Variants in CIT observed in about 807,000 individuals in gnomAD.
The protein encoded by CIT is citron Rho-interacting kinase.
CIT carries 79 observed loss-of-function variants against 272.7 expected under a neutral mutation model. The ratio of observed to expected loss-of-function variants is 0.29; its 90% CI spans 0.24 to 0.35. The LOEUF (loss-of-function observed/expected upper bound fraction) is 0.35. Among genes scored for constraint, CIT ranks in the 10% least tolerant of loss-of-function variants. The pLI is 1.00. For missense variants in CIT, 1,909 were observed against 2,618.3 expected (o/e 0.73, Z 5.91); for synonymous variants, 948 against 995.6 (o/e 0.95, Z 0.90).
rs1367614339 is a variant in CIT at position 119,712,251 on chromosome 12, T to C, written c.4781A>G (p.Gln1594Arg). The C allele has an allele frequency of 1.2e-6, 2 of 1,614,120 alleles. No homozygotes were observed. Among genetic ancestry groups the C allele is most frequent in the African/African-American group, 1.3e-5 (1 of 75,060 alleles). ...TGATTCTAAGGCGGTGACCCAGCGC[T>C]GTTTGTCAGGGAAGCTGGGAGCTAG... Reference protein sequence around the residue: ...YLLAPSFPDKQRWVTALESVV... With the variant: ...YLLAPSFPDKRRWVTALESVV... The change falls in exon 37 of 48, where the codon CAG becomes CGG. Residue 1594 changes from glutamine to arginine, a missense_variant. Coordinates refer to ENST00000392521, the MANE Select transcript of CIT (RefSeq NM_001206999.2). This position sits in a 1 kb window ranked among gnomAD's most constrained non-coding sequence, Gnocchi z 5.2.
intron 24 of CIT, among the ~76,000 whole-genome samples, chr12:119,740,458 T>C (rs1959004072): frequency 6.6e-6 from 1 of 152,322 alleles, no homozygotes; most frequent in East Asian, 1.9e-4. Flanking sequence ...ATTATTTTGA[T>C]TGTTTTGCTG....
At chr12:119,698,316 G>C in intron 44 of CIT, 1 of 442,930 alleles carries the variant, frequency 2.3e-6, no homozygotes, top group Non-Finnish European at 4.1e-6. Context: ...CTGGCTGGGC[G>C]TGGTGGCTCA....
In CIT at chr12:119,748,027, G is replaced by T. The variant is rs940483049; in HGVS notation, c.2904+4023C>A. On this transcript the variant is annotated intron_variant, in intron 23 of 47. Coordinates refer to ENST00000392521, the MANE Select transcript of CIT (RefSeq NM_001206999.2). Reference sequence around the variant, plus strand: ...AAAAAATACAAAAGTTAACCAGGTGGGTGGCGAGCACCTATAGTCCCAGCT... The same window carrying T: ...AAAAAATACAAAAGTTAACCAGGTGTGTGGCGAGCACCTATAGTCCCAGCT... Among the ~76,000 whole-genome samples the T allele has an allele frequency of 3.3e-5, 5 of 152,182 alleles. No individual in the cohort carries two copies. The East Asian group carries it at 5.8e-4, about 18-fold the overall frequency.
Position 119,712,112 on chromosome 12 carries a change from T to C in CIT, c.4854+66A>G, listed in dbSNP as rs977601887. 3.4e-6 allele frequency: 5 copies of C among 1,474,218 alleles called. No homozygotes were observed. Among genetic ancestry groups the C allele is most frequent in the Non-Finnish European group, 3.7e-6 (4 of 1,092,424 alleles). The allele number at this position is 1,474,218 out of a possible 1,614,324, so 91.3% of individuals were successfully genotyped here. ...AAAATGGCCAATGGGATTCTCGTCG[T>C]TAACACCAGTTACCAAGTCAGCCCC... On this transcript the variant is annotated intron_variant, in intron 37 of 47. Transcript: ENST00000392521. The surrounding 1 kb of genome is among the most constrained non-coding windows in gnomAD (Gnocchi z 5.2).
intron 17 of CIT, among the ~76,000 whole-genome samples, chr12:119,771,359 G>C (rs751693621): frequency 4.6e-5 from 7 of 152,120 alleles, no homozygotes; most frequent in Non-Finnish European, 8.8e-5. Flanking sequence ...GCTCTGGAGG[G>C]GGGTGGTATA....
intron 23 of CIT, among the ~76,000 whole-genome samples, chr12:119,746,996 TC>T (rs1959514571): frequency 6.6e-6 from 1 of 151,730 alleles, no homozygotes; most frequent in African/African-American, 2.4e-5. Context: ...TTGGATGCTC[TC>T]AATGAAATGT....
intron 5 of CIT, among the ~76,000 whole-genome samples, chr12:119,843,446 TGG>T (rs1294811540): frequency 6.6e-6 from 1 of 152,036 alleles, no homozygotes; most frequent in East Asian, 1.9e-4. Context: ...GAGGCAAGAC[TGG>T]AGAGAAGAGA....
Position 119,697,727 on chromosome 12 carries a change from A to G in CIT, c.5814T>C (p.Ile1938=). The G allele has an allele frequency of 2.5e-6, 4 of 1,614,146 alleles. No individual in the cohort carries two copies. The highest frequency in any genetic ancestry group is 3.4e-6 in the Non-Finnish European group (4 of 1,180,028). The change falls in exon 46 of 48, where the codon ATT becomes ATC. Residue 1938 remains isoleucine, a synonymous_variant. Coordinates refer to ENST00000392521, the MANE Select transcript of CIT (RefSeq NM_001206999.2). The surrounding 1 kb of genome is among the most constrained non-coding windows in gnomAD (Gnocchi z 4.9). ...CCTTCACGAGGTTTCCCTTGCAGCA[A>G]ATGACCCTTAATTTATCCTGGTATG... is the stretch of plus-strand genomic sequence containing the variant. ...ASSYQDKLRV[I]CCKGNLVKES...
At chr12:119,779,589 T>C (rs914495632) in intron 13 of CIT, among the ~76,000 whole-genome samples, 1 of 152,190 alleles carries the variant, frequency 6.6e-6, no homozygotes, top group African/African-American at 2.4e-5. Flanking sequence ...ACACCAAATC[T>C]TGAGCATCTT....
At chr12:119,826,335 G>T (rs1019370135) in intron 7 of CIT, among the ~76,000 whole-genome samples, 3 of 152,106 alleles carry the variant, frequency 2.0e-5, no homozygotes, top group Non-Finnish European at 4.4e-5. Context: ...CTTGACCTTG[G>T]CAAAGAAAGA....
Position 119,859,707 on chromosome 12 carries a change from C to T in CIT, c.239-2009G>A, listed in dbSNP as rs117934384. On this transcript the variant is annotated intron_variant, in intron 3 of 47. Transcript: ENST00000392521. ...GCGGCCGCTTTTAATCTCAGCTGCT[C>T]GGGAGGCTGAGGGAGAGAATCACTT... Among the ~76,000 whole-genome samples the T allele has an allele frequency of 5.9e-3, 892 of 151,826 alleles. 43 individuals carry two copies. In the South Asian group the frequency reaches 0.11, roughly 19 times the overall value.
chr12:119,736,343 C>T (rs1958754364), intron 24 of CIT, among the ~76,000 whole-genome samples: 1 of 151,592 alleles, frequency 6.6e-6, no homozygotes, highest in Non-Finnish European at 1.5e-5. Flanking sequence ...GTTGCCATTG[C>T]TTTCATGACT....
chr12:119,715,775 T>C lies in CIT; in HGVS notation c.4169-1441A>G, dbSNP rs144251598. ...GAAAGTATTAACACTAACAGATGCA[T>C]CTAGATTTATAAGACTCAACTTAAA... On this transcript the variant is annotated intron_variant, in intron 32 of 47. Coordinates refer to ENST00000392521, the MANE Select transcript of CIT (RefSeq NM_001206999.2). Among the ~76,000 whole-genome samples, 302 of 152,326 alleles carry C rather than the reference T, an allele frequency of 2.0e-3. 3 individuals are homozygous for C. The highest frequency in any genetic ancestry group is 6.9e-3 in the African/African-American group (286 of 41,570).
rs778657125 is a variant in CIT at position 119,735,194 on chromosome 12, G to A, written c.3122C>T (p.Thr1041Met). The change falls in exon 25 of 48, where the codon ACG (threonine) becomes ATG (methionine). Residue 1041 changes from threonine (T) to methionine (M), a missense_variant. Physicochemically the swap from Thr to Met is moderately conservative, Grantham distance 81. Around this residue, in one of 8 missense-constraint regions of CIT, gnomAD observed 530 missense variants for 822.4 expected, o/e 0.64. Transcript: ENST00000392521. ...SEVDHLRREI[T>M]EREMQLTSQK... ...GCTGGTAAGCTGCATCTCTCGTTCC[G>A]TGATCTCCCGGCGGAGATGGTCCAC... is the stretch of plus-strand genomic sequence containing the variant. 11 of 1,613,962 alleles carry A rather than the reference G, an allele frequency of 6.8e-6. No individual in the cohort carries two copies. Among genetic ancestry groups the A allele is most frequent in the South Asian group, 3.3e-5 (3 of 91,082 alleles).
intron 41 of CIT, among the ~76,000 whole-genome samples, chr12:119,703,552 C>A (rs938177268): frequency 2.0e-5 from 3 of 151,588 alleles, no homozygotes; most frequent in Non-Finnish European, 2.9e-5. Flanking sequence ...CTGCCTCCCA[C>A]GTAGCTGAGA....
chr12:119,841,791 G>A (rs1356520813), intron 5 of CIT, among the ~76,000 whole-genome samples: 1 of 152,162 alleles, frequency 6.6e-6, no homozygotes, highest in Non-Finnish European at 1.5e-5. Context: ...TGTAAAAGAA[G>A]ACAACATCCT....
At chr12:119,725,024 G>A (rs1394827323) in intron 28 of CIT, among the ~76,000 whole-genome samples, 1 of 150,564 alleles carries the variant, frequency 6.6e-6, no homozygotes, top group East Asian at 2.0e-4. Flanking sequence ...AGATCCATTA[G>A]TAAAGTTTGT....
At chr12:119,783,823 C>T in intron 12 of CIT, 85 bp downstream of exon 12, 1 of 1,465,966 alleles carries the variant, frequency 6.8e-7, no homozygotes, top group African/African-American at 1.4e-5. Flanking sequence ...TGTGATGTGC[C>T]TCATGGAGCC....
chr12:119,764,607 CAAAAA>C (rs747882945), intron 19 of CIT, among the ~76,000 whole-genome samples: 1 of 59,622 alleles, frequency 1.7e-5, no homozygotes, highest in Non-Finnish European at 3.6e-5. Flanking sequence ...GATCCTGTCT[CAAAAA>C]AAAAAAAAAA....
Sources: gnomAD v4.1 joint callset for allele counts (sites outside exome capture counted in the v4.1 genomes callset) on GRCh38, gnomAD v4.1.1 for gene constraint, gnomAD v4.1.1 regional missense constraint, Gnocchi (gnomAD v3.1) non-coding constraint, MANE v1.5 for transcripts, NCBI Gene and HGNC (gene_info 2026-07-23, HGNC 2026-07-21) for gene names.